Variants in MED20 observed in about 807,000 individuals in gnomAD.
MED20 encodes mediator of RNA polymerase II transcription subunit 20.
In MED20, 19 loss-of-function variants were observed where a neutral mutation model predicts 19.7. The ratio of observed to expected loss-of-function variants is 0.96; its 90% CI spans 0.67 to 1.42. The LOEUF (loss-of-function observed/expected upper bound fraction) is 1.42, where lower values mean the gene tolerates loss of function less well. MED20 is among the 40% of genes most tolerant of loss of function. The pLI is 0.00. For synonymous variants in MED20, 105 were observed against 104.8 expected, an observed-to-expected ratio of 1.00 and a Z score of -0.01; for missense variants, 225 against 273.0, an observed-to-expected ratio of 0.82 and a Z score of 1.24.
Position 41,921,107 on chromosome 6 carries a change from A to C in MED20, c.-89T>G. ...AGAAACTCCTTCAGTTCCCCAACAC[A>C]ACCTTCTGTCTCAGAAGGGACTCCG... On this transcript the variant is annotated 5_prime_UTR_variant, in exon 1 of 4. Coordinates refer to ENST00000265350, the MANE Select transcript of MED20 (RefSeq NM_004275.5). 6.5e-7 allele frequency: 1 copy of C among 1,544,592 alleles called. No individual in the cohort carries two copies. The highest frequency in any genetic ancestry group is 8.8e-7 in the Non-Finnish European group (1 of 1,130,796).
At chr6:41,911,697 G>T (rs750719209) in intron 2 of MED20, among the ~76,000 whole-genome samples, 4 of 152,140 alleles carry the variant, frequency 2.6e-5, no homozygotes, top group Non-Finnish European at 5.9e-5. Context: ...CGAGGGCGGC[G>T]AGAGCAGAGG....
Position 41,909,336 on chromosome 6 carries a change from T to C in MED20, c.356A>G (p.Tyr119Cys). ...KIETRGTRYQYCDFLVKVGTV... is the reference protein window; with the variant it reads ...KIETRGTRYQCCDFLVKVGTV... ...GCCCACCTTCACCAGGAAGTCACAGTACTGGTACCTGGTGCCCCGGGTCTC... is the reference window on the plus strand; with the variant it reads ...GCCCACCTTCACCAGGAAGTCACAGCACTGGTACCTGGTGCCCCGGGTCTC... The change falls in exon 3 of 4, where the codon TAC (tyrosine) becomes TGC (cysteine). Residue 119 changes from tyrosine to cysteine, a missense_variant. By Grantham distance (194) the Tyr-to-Cys change is radical. Coordinates refer to ENST00000265350, the MANE Select transcript of MED20 (RefSeq NM_004275.5). The C allele has an allele frequency of 2.5e-6, 4 of 1,614,084 alleles. No individual in the cohort carries two copies. Among genetic ancestry groups the C allele is most frequent in the Non-Finnish European group, 3.4e-6 (4 of 1,180,006 alleles).
At chr6:41,920,653 T>C in intron 1 of MED20, 1 of 233,600 alleles carries the variant, frequency 4.3e-6, no homozygotes, top group African/African-American at 2.2e-5. Context: ...CGGGCGCCTG[T>C]AGTCCCAGCT....
intron 1 of MED20, chr6:41,920,788 C>CA (rs927334036): frequency 0.024 from 10,502 of 432,332 alleles, 3 homozygotes; most frequent in South Asian, 0.036. Flanking sequence ...CAAAACAAAA[C>CA]AAAAAAAAAA....
intron 1 of MED20, among the ~76,000 whole-genome samples, chr6:41,918,872 G>A (rs1320011551): frequency 6.7e-6 from 1 of 148,918 alleles, no homozygotes; most frequent in African/African-American, 2.5e-5. Context: ...GCGTGAACCC[G>A]GGAAGCGGAG....
chr6:41,915,807 TACTC>T (rs1561938847), intron 2 of MED20, among the ~76,000 whole-genome samples: 5 of 47,774 alleles, frequency 1.0e-4, no homozygotes. Flanking sequence ...CACACATAAA[TACTC>T]ACATACAAAG....
intron 2 of MED20, among the ~76,000 whole-genome samples, chr6:41,915,733 G>A (rs1318267738): frequency 1.3e-5 from 2 of 150,210 alleles, no homozygotes; most frequent in East Asian, 3.9e-4. Flanking sequence ...CTTGCAGTGA[G>A]CCGAGATTGC....
At chr6:41,917,713 T>C in intron 1 of MED20, 1 of 467,238 alleles carries the variant, frequency 2.1e-6, no homozygotes, top group Non-Finnish European at 4.5e-6. Context: ...AGTCATATAA[T>C]GAAAAAGGGA....
intron 2 of MED20, among the ~76,000 whole-genome samples, chr6:41,910,188 G>A (rs889186129): frequency 6.6e-6 from 1 of 152,200 alleles, no homozygotes; most frequent in African/African-American, 2.4e-5. Context: ...GCACACTACA[G>A]CAGAGAGACC....
chr6:41,916,701 G>C (rs1185987300), intron 2 of MED20, 84 bp downstream of exon 2: 3 of 1,528,638 alleles, frequency 2.0e-6, no homozygotes, highest in African/African-American at 2.7e-5. Context: ...ACCTTTAGCA[G>C]AAAAGCAGAA....
chr6:41,915,649 T>C (rs1345874314), intron 2 of MED20, among the ~76,000 whole-genome samples: 1 of 152,158 alleles, frequency 6.6e-6, no homozygotes, highest in African/African-American at 2.4e-5. Context: ...TAGCCCAGCG[T>C]AGTGGCAGGT....
chr6:41,914,541 CTG>C (rs1445439333), intron 2 of MED20, among the ~76,000 whole-genome samples: 2 of 152,154 alleles, frequency 1.3e-5, no homozygotes, highest in East Asian at 3.9e-4. Flanking sequence ...GTGATAAACA[CTG>C]TGCCATGGAA....
chr6:41,912,073 C>T (rs1300021293), intron 2 of MED20, among the ~76,000 whole-genome samples: 1 of 149,468 alleles, frequency 6.7e-6, no homozygotes, highest in Admixed American at 6.7e-5. Flanking sequence ...TTTTGAGACA[C>T]GGTGTTGCTC....
intron 3 of MED20, 87 bp from the exon 4 acceptor site, chr6:41,907,374 C>G: frequency 7.8e-7 from 1 of 1,276,404 alleles, no homozygotes; most frequent in Non-Finnish European, 1.1e-6. Context: ...CTGCTCCCAT[C>G]TTCCCCAACC....
intron 1 of MED20, among the ~76,000 whole-genome samples, chr6:41,919,935 G>A (rs1775416925): frequency 6.6e-6 from 1 of 152,164 alleles, no homozygotes; most frequent in East Asian, 1.9e-4. Flanking sequence ...GCTACCAGGA[G>A]GAAAAGTATT....
At chr6:41,920,772 A>C in intron 1 of MED20, 1 of 475,100 alleles carries the variant, frequency 2.1e-6, no homozygotes, top group Admixed American at 4.2e-5. Flanking sequence ...CCCGTCTTAA[A>C]AAAAACAAAA....
intron 1 of MED20, 138 bp from the exon 2 acceptor site, chr6:41,917,077 C>G: frequency 1.2e-6 from 1 of 862,062 alleles, no homozygotes; most frequent in Non-Finnish European, 1.7e-6. Context: ...GTCTCCCAAT[C>G]CCTGCAACTT....
rs187504985 is a variant in MED20 at position 41,908,057 on chromosome 6, T to C, written c.424-770A>G. On this transcript the variant is annotated intron_variant, in intron 3 of 3. Transcript: ENST00000265350. ...GCAGAAACTACCACTAATGCCCTTT[T>C]CTCCAACTGGGATTCTTCCTAGACT... Among the ~76,000 whole-genome samples the C allele has an allele frequency of 2.5e-3, 379 of 152,288 alleles. 3 individuals are homozygous for C. The highest frequency in any genetic ancestry group is 8.6e-3 in the African/African-American group (359 of 41,566).
chr6:41,907,207 G>A lies in MED20; in HGVS notation c.504C>T (p.His168=). The A allele has an allele frequency of 1.2e-6, 2 of 1,614,052 alleles. No homozygotes were observed. The highest frequency in any genetic ancestry group is 1.7e-6 in the Non-Finnish European group (2 of 1,180,018). ...LEFLQSFLGS[H]TPGAPAVFGN... ...CAAACACTGCGGGAGCCCCTGGTGT[G>A]TGGCTGCCTAGAAAACTCTGTAGGA... Residue 168 remains histidine, a synonymous_variant, in exon 4 of 4, where the codon CAC becomes CAT. Transcript: ENST00000265350.
Sources: allele counts gnomAD v4.1 joint callset (sites outside exome capture counted in the v4.1 genomes callset), GRCh38; gene constraint gnomAD v4.1.1; transcripts MANE v1.5; gene names NCBI Gene and HGNC (gene_info 2026-07-23, HGNC 2026-07-21).